Variants in SYNE2 observed in about 807,000 individuals in gnomAD.
SYNE2 encodes the protein spectrin repeat containing nuclear envelope protein 2, also known as nesprin-2.
A neutral mutation model predicts 856.3 loss-of-function variants in SYNE2; 431 were observed. The ratio of observed to expected loss-of-function variants is 0.50; its 90% CI spans 0.47 to 0.55. The LOEUF (loss-of-function observed/expected upper bound fraction) is 0.55, where lower values mean the gene tolerates loss of function less well. Among genes scored for constraint, SYNE2 ranks in the 20% least tolerant of loss-of-function variants. The pLI is 0.00. For missense variants in SYNE2, 8,129 were observed against 8,023.2 expected (o/e 1.01, Z -0.50); for synonymous variants, 2,923 against 2,872.3 (o/e 1.02, Z -0.56).
chr14:64,019,138 T>C (rs2096917141), intron 34 of SYNE2, among the ~76,000 whole-genome samples: 1 of 151,982 alleles, frequency 6.6e-6, no homozygotes, highest in South Asian at 2.1e-4. Flanking sequence ...CTGGGTGTGG[T>C]GGTGTGTGCC....
In SYNE2 at chr14:63,889,815, A is replaced by G. The variant is rs368527622; in HGVS notation, c.-51-19283A>G. Among the ~76,000 whole-genome samples the G allele has an allele frequency of 9.2e-5, 14 of 152,146 alleles. No homozygotes were observed. The East Asian group carries it at 9.7e-4, about 11-fold the overall frequency. ...TTTAGTCACAGTTTTACATGACATG[A>G]GAGTCTTCAGAATGAAGGCCCAAAG... is the stretch of plus-strand genomic sequence containing the variant. On this transcript the variant is annotated intron_variant, in intron 1 of 115. Coordinates refer to ENST00000555002, the MANE Select transcript of SYNE2 (RefSeq NM_182914.3).
At chr14:63,962,772 C>T (rs1353327555) in intron 9 of SYNE2, among the ~76,000 whole-genome samples, 1 of 152,128 alleles carries the variant, frequency 6.6e-6, no homozygotes, top group African/African-American at 2.4e-5. Flanking sequence ...GAACTCCTGG[C>T]CTCAAGTGAT....
At chr14:64,083,946 C>T (rs1192332783) in intron 57 of SYNE2, among the ~76,000 whole-genome samples, 9 of 145,892 alleles carry the variant, frequency 6.2e-5, no homozygotes, top group Non-Finnish European at 1.2e-4. Flanking sequence ...TTTTTTGAGA[C>T]GGAGTTTCAC....
intron 50 of SYNE2, among the ~76,000 whole-genome samples, chr14:64,064,211 G>C (rs1042241719): frequency 1.3e-5 from 2 of 152,152 alleles, no homozygotes; most frequent in African/African-American, 4.8e-5. Context: ...TATTCATCTG[G>C]AGCACAAGCA....
intron 108 of SYNE2, 92 bp from the exon 109 acceptor site, chr14:64,218,306 C>T: frequency 2.6e-6 from 3 of 1,175,020 alleles, no homozygotes; most frequent in Non-Finnish European, 3.7e-6. Flanking sequence ...GGGCCCATCT[C>T]ATTTCTTCAC....
intron 65 of SYNE2, among the ~76,000 whole-genome samples, chr14:64,110,831 G>A (rs1466306198): frequency 6.6e-6 from 1 of 151,944 alleles, no homozygotes; most frequent in African/African-American, 2.4e-5. Flanking sequence ...CTGTGCACTT[G>A]GATTTCTTAG....
intron 7 of SYNE2, among the ~76,000 whole-genome samples, chr14:63,953,593 T>C (rs1257825100): frequency 6.6e-6 from 1 of 152,078 alleles, no homozygotes; most frequent in Non-Finnish European, 1.5e-5. Context: ...TGTGATAAAA[T>C]ATACATAACT....
intron 99 of SYNE2, among the ~76,000 whole-genome samples, chr14:64,198,206 G>C (rs771279859): frequency 7.2e-5 from 11 of 152,200 alleles, no homozygotes; most frequent in African/African-American, 2.7e-4. Context: ...TGGTGGCCAC[G>C]GCAGCAAAGC....
At chr14:64,182,445 T>G (rs1479211764) in intron 96 of SYNE2, among the ~76,000 whole-genome samples, 1 of 152,112 alleles carries the variant, frequency 6.6e-6, no homozygotes, top group African/African-American at 2.4e-5. Context: ...AGAGGGGGAT[T>G]TGGCACGGTC....
chr14:64,132,202 A>C (rs1435528657), intron 76 of SYNE2, 63 bp from the exon 77 acceptor site: 3 of 1,576,340 alleles, frequency 1.9e-6, no homozygotes, highest in Non-Finnish European at 2.6e-6. Context: ...AAGTTGAAGT[A>C]ACTTGGTTTT....
intron 8 of SYNE2, among the ~76,000 whole-genome samples, chr14:63,958,922 G>A (rs1446727323): frequency 1.3e-5 from 2 of 152,134 alleles, no homozygotes; most frequent in Non-Finnish European, 2.9e-5. Context: ...TGTCCACTAG[G>A]AGCTCTTTCA....
chr14:63,909,072 T>A, intron 1 of SYNE2, 26 bp from the exon 2 acceptor site: 1 of 1,066,826 alleles, frequency 9.4e-7, no homozygotes, highest in Non-Finnish European at 1.5e-6. Flanking sequence ...AAGTTACTAA[T>A]GAACATTTAT....
At chr14:63,774,808 G>A (rs1595097923) in intron 1 of SYNE2, among the ~76,000 whole-genome samples, 1 of 151,892 alleles carries the variant, frequency 6.6e-6, no homozygotes, top group African/African-American at 2.4e-5. Flanking sequence ...AAATTGCATG[G>A]CTTAAACAAC....
At chr14:63,906,750 A>G (rs1372350081) in intron 1 of SYNE2, among the ~76,000 whole-genome samples, 5 of 152,230 alleles carry the variant, frequency 3.3e-5, no homozygotes, top group Admixed American at 1.3e-4. Context: ...ACTATTTTGC[A>G]TGAAATGCTA....
At position 64,226,326 on chromosome 14, in the gene SYNE2, CTGTT is replaced by C. The variant is rs1307141645; in HGVS notation, c.*803_*806del. ...AGTGATGCTTTGCTTTGGGTTTTAACTGTTTGGCCACGGCGGGGGTGGGGGCGGG... is the reference window on the plus strand; with the variant it reads ...AGTGATGCTTTGCTTTGGGTTTTAACTGGCCACGGCGGGGGTGGGGGCGGG... On this transcript the variant is annotated 3_prime_UTR_variant, in exon 116 of 116. Coordinates refer to ENST00000555002, the MANE Select transcript of SYNE2 (RefSeq NM_182914.3). The C allele has an allele frequency of 9.6e-6, 1 of 104,238 alleles. No individual in the cohort carries two copies. Among genetic ancestry groups the C allele is most frequent in the Non-Finnish European group, 1.8e-5 (1 of 55,724 alleles). 6.5% of individuals were successfully genotyped at this position (104,238 alleles called of 1,614,324 possible).
intron 6 of SYNE2, among the ~76,000 whole-genome samples, chr14:63,948,168 C>T (rs758245129): frequency 3.3e-4 from 12 of 36,554 alleles, no homozygotes; most frequent in Admixed American, 1.8e-3. Context: ...CACACACATA[C>T]ACACACACAC....
rs770263059 is a variant in SYNE2 at position 64,049,739 on chromosome 14, C to A, written c.7506C>A (p.Asp2502Glu). The A allele has an allele frequency of 6.2e-7, 1 of 1,614,144 alleles. No homozygotes were observed. Among genetic ancestry groups the A allele is most frequent in the South Asian group, 1.1e-5 (1 of 91,082 alleles). ...HNIGYSAQHL[D>E]NLLQALITLK... ...TAGGATATTCGGCACAGCATTTGGA[C>A]AATTTGCTTCAGGCACTTATTACTT... The change falls in exon 47 of 116, where the codon GAC (aspartate) becomes GAA (glutamate). Residue 2502 changes from aspartate to glutamate, a missense_variant. Asp to Glu is a conservative substitution (Grantham distance 45). Coordinates refer to ENST00000555002, the MANE Select transcript of SYNE2 (RefSeq NM_182914.3).
intron 97 of SYNE2, among the ~76,000 whole-genome samples, chr14:64,187,347 C>G (rs2098497098): frequency 6.6e-6 from 1 of 152,080 alleles, no homozygotes; most frequent in South Asian, 2.1e-4. Context: ...ACAATGTACC[C>G]TAATTTTAAA....
intron 57 of SYNE2, among the ~76,000 whole-genome samples, chr14:64,086,431 A>G (rs1162283886): frequency 6.6e-6 from 1 of 152,210 alleles, no homozygotes; most frequent in Non-Finnish European, 1.5e-5. Context: ...ATCAGGTAGC[A>G]TCAATTCTAC....
Sources: allele counts gnomAD v4.1 joint callset (sites outside exome capture counted in the v4.1 genomes callset), GRCh38; gene constraint gnomAD v4.1.1; transcripts MANE v1.5; gene names NCBI Gene and HGNC (gene_info 2026-07-23, HGNC 2026-07-21).